The following VPS52 variants were observed in gnomAD, a reference collection of about 807,000 sequenced individuals.
VPS52 encodes the protein VPS52 subunit of GARP complex.
Under a neutral mutation model 98.7 loss-of-function variants are expected in VPS52, and 56 were observed. The ratio of observed to expected loss-of-function variants is 0.57; its 90% CI spans 0.46 to 0.71. VPS52 has a LOEUF of 0.71. Among genes scored for constraint, VPS52 ranks in the 30% least tolerant of loss-of-function variants. The probability of loss-of-function intolerance (pLI) is 0.00; values close to 1 mark genes in which losing one functional copy is unlikely to be tolerated. For missense variants in VPS52, 742 were observed against 925.9 expected (o/e 0.80, Z 2.58); for synonymous variants, 348 against 346.4 (o/e 1.00, Z -0.05).
chr6:33,270,070 C>T lies in VPS52; in HGVS notation c.176-19G>A, dbSNP rs376544698. 1.4e-4 allele frequency: 230 copies of T among 1,614,178 alleles called. 1 individual carries two copies. In the African/African-American group the frequency reaches 2.6e-3, roughly 19 times the overall value. On this transcript the variant is annotated intron_variant, in intron 2 of 19. Coordinates refer to ENST00000445902, the MANE Select transcript of VPS52 (RefSeq NM_022553.6). ...ATGTGAACTGGAAATAGAAGTTTAT[C>T]ATAAGGGTCCAGCTCCACAGCTCCC... is the stretch of plus-strand genomic sequence containing the variant.
rs1347838974 is a variant in VPS52, at chr6:33,256,448, G to C, written c.1795-4477C>G. Among the ~76,000 whole-genome samples, 9 of 87,370 alleles carry C rather than the reference G, an allele frequency of 1.0e-4. No homozygotes were observed. The East Asian group carries it at 2.6e-3, about 25-fold the overall frequency. 57.3% of individuals were successfully genotyped at this position (87,370 alleles called of 152,430 possible). ...CCACTGCACTCCAACCTGAGTGACA[G>C]AGCAAAACCTGTCTCAAAAAAAAAA... On this transcript the variant is annotated intron_variant, in intron 17 of 19. Coordinates refer to ENST00000445902, the MANE Select transcript of VPS52 (RefSeq NM_022553.6).
Position 33,253,057 on chromosome 6 carries a change from T to C in VPS52, c.1795-1086A>G, listed in dbSNP as rs914315385. 3.9e-5 allele frequency among the ~76,000 whole-genome samples: 6 copies of C among 152,202 alleles called. No individual in the cohort carries two copies. The South Asian group carries it at 1.0e-3, about 26-fold the overall frequency. On this transcript the variant is annotated intron_variant, in intron 17 of 19. Coordinates refer to ENST00000445902, the MANE Select transcript of VPS52 (RefSeq NM_022553.6). ...AATGCAGTCAGCAAAATCTAAACTG[T>C]ACATCATTCTAGATGACAAATGACT... is the stretch of plus-strand genomic sequence containing the variant.
intron 17 of VPS52, among the ~76,000 whole-genome samples, chr6:33,260,934 C>T (rs1167520046): frequency 6.6e-6 from 1 of 151,308 alleles, no homozygotes; most frequent in African/African-American, 2.4e-5. Context: ...GGGAGGCGGA[C>T]GTTGCAGTGA....
At chr6:33,270,480 A>T (rs1272242461) in intron 1 of VPS52, among the ~76,000 whole-genome samples, 197 bp from the exon 2 acceptor site, 1 of 152,144 alleles carries the variant, frequency 6.6e-6, no homozygotes, top group African/African-American at 2.4e-5. Flanking sequence ...TACGACAAGG[A>T]GTGAGACGAT....
rs1451525089 is a variant in VPS52, at chr6:33,250,312, G to A, written c.*529C>T. On this transcript the variant is annotated 3_prime_UTR_variant, in exon 20 of 20. Coordinates refer to ENST00000445902, the MANE Select transcript of VPS52 (RefSeq NM_022553.6). ...ACTAAATATTTATTTTCTGCAGACT[G>A]ACTTCGGAGTAATTCTTGAGCCAGG... The A allele has an allele frequency of 6.5e-6, 1 of 152,978 alleles. No homozygotes were observed. Among genetic ancestry groups the A allele is most frequent in the East Asian group, 1.9e-4 (1 of 5,202 alleles). 9.5% of individuals were successfully genotyped at this position (152,978 alleles called of 1,614,324 possible). A position where few individuals can be genotyped will look rare whatever the true frequency, so the allele number is the denominator to read the frequency against.
intron 14 of VPS52, 58 bp downstream of exon 14, chr6:33,264,316 C>T: frequency 1.9e-6 from 3 of 1,599,660 alleles, no homozygotes; most frequent in Non-Finnish European, 2.6e-6. Flanking sequence ...CCAACCCCCA[C>T]AATGATGCTT....
Position 33,268,520 on chromosome 6 carries a change from C to T in VPS52, c.678G>A (p.Val226=). 1 of 1,606,612 alleles carries T rather than the reference C, an allele frequency of 6.2e-7. No homozygotes were observed. ...GTAACADVRG[V]LDRLRVKAVT... is the part of the protein sequence containing the mutation. ...CCACCTTGACCCGGAGCCGATCGAGCACGCCTCTGACATCTGCGCAGGCTG... is the reference window on the plus strand; with the variant it reads ...CCACCTTGACCCGGAGCCGATCGAGTACGCCTCTGACATCTGCGCAGGCTG... Residue 226 remains valine (V), a synonymous_variant, in exon 7 of 20, where the codon GTG becomes GTA. Coordinates refer to ENST00000445902, the MANE Select transcript of VPS52 (RefSeq NM_022553.6). This position sits in a 1 kb window ranked among gnomAD's most constrained non-coding sequence, Gnocchi z 4.0.
rs1764474297 is a variant in VPS52, at chr6:33,267,458, C to T, written c.992-137G>A. Reference sequence around the variant, plus strand: ...GTACTAGGGCCCCACGTGCTGACATCTGTGAATGGGCTTCAGGGTGTCTCT... The same window carrying T: ...GTACTAGGGCCCCACGTGCTGACATTTGTGAATGGGCTTCAGGGTGTCTCT... On this transcript the variant is annotated intron_variant, in intron 10 of 19. Coordinates refer to ENST00000445902, the MANE Select transcript of VPS52 (RefSeq NM_022553.6). The surrounding 1 kb of genome is among the most constrained non-coding windows in gnomAD (Gnocchi z 4.2). 1 of 1,380,352 alleles carries T rather than the reference C, an allele frequency of 7.2e-7. No individual in the cohort carries two copies. The highest frequency in any genetic ancestry group is 1.5e-5 in the African/African-American group (1 of 68,732). The allele number at this position is 1,380,352 out of a possible 1,614,324, so 85.5% of individuals were successfully genotyped here.
At chr6:33,262,021 C>G (rs1374815274) in intron 17 of VPS52, among the ~76,000 whole-genome samples, 1 of 33,650 alleles carries the variant, frequency 3.0e-5, no homozygotes, top group Non-Finnish European at 5.2e-5. Context: ...GCCTGGACAA[C>G]AAGAACAAAA....
At chr6:33,252,737 G>C (rs1314564452) in intron 17 of VPS52, among the ~76,000 whole-genome samples, 1 of 151,970 alleles carries the variant, frequency 6.6e-6, no homozygotes, top group East Asian at 1.9e-4. Flanking sequence ...CAATGAATTA[G>C]AATTTATAAC....
chr6:33,263,704 A>G (rs1047899798), intron 16 of VPS52, 68 bp downstream of exon 16: 3 of 1,590,802 alleles, frequency 1.9e-6, no homozygotes, highest in East Asian at 2.2e-5. Context: ...CTGCCCTCAC[A>G]GAGCTAACAG....
chr6:33,269,431 C>A, intron 5 of VPS52, 59 bp downstream of exon 5: 1 of 1,606,788 alleles, frequency 6.2e-7, no homozygotes. Context: ...AAAAATGGCA[C>A]CAGAGTCCAT....
intron 17 of VPS52, among the ~76,000 whole-genome samples, chr6:33,259,597 T>C (rs1274034027): frequency 6.6e-6 from 1 of 152,160 alleles, no homozygotes; most frequent in Non-Finnish European, 1.5e-5. Flanking sequence ...TCCGGAAGTT[T>C]TTGAGTATCA....
In VPS52 at chr6:33,267,549, G is replaced by A; in HGVS notation, c.991+133C>T. The A allele has an allele frequency of 8.1e-7, 1 of 1,235,962 alleles. No individual in the cohort carries two copies. The highest frequency in any genetic ancestry group is 1.5e-5 in the African/African-American group (1 of 66,210). The allele number at this position is 1,235,962 out of a possible 1,614,324, so 76.6% of individuals were successfully genotyped here. On this transcript the variant is annotated intron_variant, in intron 10 of 19. Transcript: ENST00000445902. The surrounding 1 kb of genome is among the most constrained non-coding windows in gnomAD (Gnocchi z 4.2). ...ATGTGTGCATCTTTCTGGGGAGGGA[G>A]GCTATAGCTTTCATCACATTCTAAA... is the stretch of plus-strand genomic sequence containing the variant.
At chr6:33,271,904 C>T (rs990852267), upstream of VPS52, 68 of 1,101,584 alleles carry the variant, frequency 6.2e-5, no homozygotes, top group African/African-American at 1.1e-3. Context: ...TGTTCTCTTA[C>T]CTATGAACCT....
chr6:33,269,850 G>A (rs770482886), intron 3 of VPS52, 31 bp from the exon 4 acceptor site: 3 of 1,607,522 alleles, frequency 1.9e-6, no homozygotes, highest in Non-Finnish European at 1.7e-6. Context: ...CAGGTCAGAA[G>A]GAAGTCTCAG....
intron 17 of VPS52, among the ~76,000 whole-genome samples, chr6:33,255,579 C>G (rs562042158): frequency 6.7e-6 from 1 of 148,488 alleles, no homozygotes; most frequent in East Asian, 2.0e-4. Flanking sequence ...GAGGTCAGAT[C>G]AAGACCATCC....
chr6:33,263,451 A>G (rs747141645), intron 17 of VPS52, 33 bp downstream of exon 17: 6 of 1,610,644 alleles, frequency 3.7e-6, no homozygotes, highest in Non-Finnish European at 5.1e-6. Flanking sequence ...ACAGCACAGA[A>G]GGCTGTCTCT....
At chr6:33,269,304 A>C in intron 5 of VPS52, 115 bp from the exon 6 acceptor site, 1 of 1,462,248 alleles carries the variant, frequency 6.8e-7, no homozygotes, top group Non-Finnish European at 9.4e-7. Flanking sequence ...GTGGCAGATG[A>C]TGAGACACCC....
Sources: gnomAD v4.1 joint callset for allele counts (sites outside exome capture counted in the v4.1 genomes callset) on GRCh38, gnomAD v4.1.1 for gene constraint, Gnocchi (gnomAD v3.1) non-coding constraint, MANE v1.5 for transcripts, NCBI Gene and HGNC (gene_info 2026-07-23, HGNC 2026-07-21) for gene names.